DNAAF5: variants seen among roughly 807,000 people sequenced by gnomAD.
DNAAF5 encodes HEAT repeat containing 2.
DNAAF5 carries 64 observed loss-of-function variants against 75.8 expected under a neutral mutation model. The ratio of observed to expected loss-of-function variants is 0.84; its 90% confidence interval spans 0.69 to 1.04. The LOEUF is 1.04. DNAAF5 is among the 50% of genes least tolerant of loss of function. DNAAF5 has a pLI of 0.00. For missense variants in DNAAF5, 1,269 were observed against 1,178.5 expected (o/e 1.08, Z -1.12); for synonymous variants, 657 against 557.2 (o/e 1.18, Z -2.52).
chr7:727,367 C>T, intron 1 of DNAAF5, 52 bp downstream of exon 1: 7 of 1,051,286 alleles, frequency 6.7e-6, no homozygotes, highest in Non-Finnish European at 7.2e-6. Flanking sequence ...CTCACCCCCA[C>T]CTCCACCTCC....
At chr7:762,373 G>A (rs542215726) in intron 7 of DNAAF5, among the ~76,000 whole-genome samples, 1 of 152,030 alleles carries the variant, frequency 6.6e-6, no homozygotes, top group African/African-American at 2.4e-5. Context: ...TGTAGTCCCA[G>A]CTACTCAGGA....
At chr7:753,705 G>A (rs545702449) in intron 4 of DNAAF5, among the ~76,000 whole-genome samples, 58 of 147,590 alleles carry the variant, frequency 3.9e-4, no homozygotes, top group African/African-American at 1.3e-3. Context: ...CTTCGCAGGC[G>A]TGTCTCTCTC....
chr7:749,642 A>G (rs1281643339), intron 4 of DNAAF5, among the ~76,000 whole-genome samples: 1 of 152,216 alleles, frequency 6.6e-6, no homozygotes, highest in Non-Finnish European at 1.5e-5. Context: ...GAAGCCAGCA[A>G]GGTCCCACGA....
Position 729,674 on chromosome 7 carries a change from A to G in DNAAF5, c.607A>G (p.Met203Val), listed in dbSNP as rs1194482161. 5.0e-6 allele frequency: 8 copies of G among 1,613,686 alleles called. No homozygotes were observed. The highest frequency in any genetic ancestry group is 2.2e-5 in the East Asian group (1 of 44,902). The change falls in exon 2 of 13, where the codon ATG (methionine) becomes GTG (valine). Residue 203 changes from methionine to valine, a missense_variant. Met to Val is a conservative substitution (Grantham distance 21, BLOSUM62 1). Coordinates refer to ENST00000297440, the MANE Select transcript of DNAAF5 (RefSeq NM_017802.4). ...LAQATPDHFHMQSESLIGPLM... is the reference protein window; with the variant it reads ...LAQATPDHFHVQSESLIGPLM... ...TCCCTGTCCCTCAGACCACTTCCAC[A>G]TGCAGTCGGAGTCTCTGATCGGGCC...
At chr7:767,328 A>C (rs1433956123) in intron 8 of DNAAF5, among the ~76,000 whole-genome samples, 2 of 151,218 alleles carry the variant, frequency 1.3e-5, no homozygotes, top group Non-Finnish European at 2.9e-5. Context: ...CTGAGCTGGG[A>C]GTGCCAAGGT....
At chr7:758,755 T>C (rs1272419950) in intron 6 of DNAAF5, among the ~76,000 whole-genome samples, 3 of 152,130 alleles carry the variant, frequency 2.0e-5, no homozygotes, top group Non-Finnish European at 4.4e-5. Context: ...CAATCTTGGC[T>C]CACTGCAGCC....
At chr7:733,687 A>G (rs1307861794) in intron 2 of DNAAF5, among the ~76,000 whole-genome samples, 1 of 152,014 alleles carries the variant, frequency 6.6e-6, no homozygotes, top group Non-Finnish European at 1.5e-5. Context: ...TAGTAGAGAC[A>G]GTTTCACCAT....
intron 2 of DNAAF5, 70 bp downstream of exon 2, chr7:729,917 CTA>C: frequency 6.9e-7 from 1 of 1,455,886 alleles, no homozygotes; most frequent in Non-Finnish European, 9.5e-7. Flanking sequence ...CTGTTTTTAA[CTA>C]ACTCACTTGT....
At position 775,104 on chromosome 7, in the gene DNAAF5, G is replaced by C. The variant is rs746205271; in HGVS notation, c.2181G>C (p.Thr727=). ...TRLISCRIIN[T]FLKTSGGMTD... Reference sequence around the variant, plus strand: ...TGATCTCATGCCGTATTATCAACACGTTCTTAAAAACCTCGGGCGGCATGA... The same window carrying C: ...TGATCTCATGCCGTATTATCAACACCTTCTTAAAAACCTCGGGCGGCATGA... Residue 727 remains threonine (T), a synonymous_variant, in exon 11 of 13, where the codon ACG becomes ACC. Coordinates refer to ENST00000297440, the MANE Select transcript of DNAAF5 (RefSeq NM_017802.4). 2 of 1,614,074 alleles carry C rather than the reference G, an allele frequency of 1.2e-6. No homozygotes were observed. Among genetic ancestry groups the C allele is most frequent in the African/African-American group, 1.3e-5 (1 of 75,002 alleles).
In DNAAF5 at chr7:770,567, C is replaced by G. The variant is rs545364755; in HGVS notation, c.1880C>G (p.Ser627Cys). ...CCGCAGATGCGCCTGAAGCTGTTCT[C>G]CATCCTGTCCACCGTGCTGCTCAGA... The part of the protein sequence containing the change: ...QDPQMRLKLF[S>C]ILSTVLLRAT... Residue 627 changes from serine to cysteine, a missense_variant, in exon 9 of 13, where the codon TCC (serine) becomes TGC (cysteine). Ser to Cys is a moderately radical substitution (Grantham distance 112). Coordinates refer to ENST00000297440, the MANE Select transcript of DNAAF5 (RefSeq NM_017802.4). The G allele has an allele frequency of 5.0e-6, 8 of 1,613,838 alleles. No individual in the cohort carries two copies. In the South Asian group the frequency reaches 6.6e-5, roughly 13 times the overall value.
chr7:759,534 C>T (rs1381277389), intron 6 of DNAAF5, among the ~76,000 whole-genome samples: 4 of 152,168 alleles, frequency 2.6e-5, no homozygotes, highest in Non-Finnish European at 4.4e-5. Flanking sequence ...AAAACCTTTG[C>T]AGTCTTAGAT....
chr7:767,360 G>A (rs1029501921), intron 8 of DNAAF5, among the ~76,000 whole-genome samples: 4 of 152,082 alleles, frequency 2.6e-5, no homozygotes, highest in African/African-American at 7.2e-5. Context: ...GCCGTGGGAC[G>A]CTGCGCATCT....
rs754710920 is a variant in DNAAF5 at position 761,857 on chromosome 7, A to G, written c.1575A>G (p.Thr525=). ...TGCAGCTCTTGGACGTGCTGCTGAC[A>G]ATAGTGGCCCTCGCAGGTGCTACCG... The part of the protein sequence containing the change: ...ASLQLLDVLL[T]IVALAGATGL... The change falls in exon 7 of 13, where the codon ACA becomes ACG. Residue 525 remains threonine, a synonymous_variant. Transcript: ENST00000297440. The G allele has an allele frequency of 6.3e-6, 10 of 1,592,864 alleles. No individual in the cohort carries two copies. The highest frequency in any genetic ancestry group is 1.3e-5 in the African/African-American group (1 of 74,376).
At chr7:729,878 C>T (rs763071622) in intron 2 of DNAAF5, 31 bp downstream of exon 2, 7 of 1,608,772 alleles carry the variant, frequency 4.4e-6, no homozygotes, top group Non-Finnish European at 5.1e-6. Context: ...ACAGTCTGTT[C>T]CTCTCTCCAA....
chr7:779,786 A>T, intron 11 of DNAAF5, 167 bp from the exon 12 acceptor site: 1 of 617,736 alleles, frequency 1.6e-6, no homozygotes, highest in Non-Finnish European at 2.8e-6. Context: ...GGTCGCCAGG[A>T]GCACCTTGCA....
At chr7:762,165 A>G (rs886255994) in intron 7 of DNAAF5, among the ~76,000 whole-genome samples, 2 of 152,204 alleles carry the variant, frequency 1.3e-5, no homozygotes, top group Non-Finnish European at 2.9e-5. Flanking sequence ...CGTAACCTTT[A>G]AACCTGCGCA....
chr7:737,249 C>A (rs1781767700), intron 2 of DNAAF5, among the ~76,000 whole-genome samples: 1 of 152,132 alleles, frequency 6.6e-6, no homozygotes. Flanking sequence ...GCACCCACCA[C>A]CACACCCAGC....
intron 8 of DNAAF5, among the ~76,000 whole-genome samples, chr7:768,268 C>CCG (rs1778412434): frequency 2.1e-5 from 3 of 144,846 alleles, no homozygotes; most frequent in Admixed American, 6.9e-5. Context: ...GAGGAGCTAG[C>CCG]GCTGGGAGGG....
At chr7:758,469 G>T (rs949247398) in intron 6 of DNAAF5, among the ~76,000 whole-genome samples, 9 of 152,242 alleles carry the variant, frequency 5.9e-5, no homozygotes, top group African/African-American at 2.2e-4. Context: ...CAGTCACACG[G>T]GACCCCTGGG....
Sources: allele counts gnomAD v4.1 joint callset (sites outside exome capture counted in the v4.1 genomes callset), GRCh38; gene constraint gnomAD v4.1.1; transcripts MANE v1.5; gene names NCBI Gene and HGNC (gene_info 2026-07-23, HGNC 2026-07-21).